The following TRIM51G variants were observed in gnomAD, a reference collection of about 807,000 sequenced individuals.
TRIM51G encodes the protein tripartite motif-containing protein 51G.
chr11:48,978,664 T>C, the TRIM51G span, among the ~76,000 whole-genome samples: 29 of 152,220 alleles, frequency 1.9e-4, no homozygotes, highest in African/African-American at 7.0e-4. Flanking sequence ...CACATAGTTT[T>C]GTTGCTGGTG....
chr11:48,978,814 G>A, the TRIM51G span: 73 of 796,918 alleles, frequency 9.2e-5, 2 homozygotes, highest in South Asian at 9.8e-4. Flanking sequence ...CAGGAGAGAG[G>A]TAAAACACCC....
chr11:48,982,960 T>TATATATAC, the TRIM51G span, among the ~76,000 whole-genome samples: 1 of 9,132 alleles, frequency 1.1e-4, no homozygotes, highest in African/African-American at 1.6e-4. Flanking sequence ...TATATACATA[T>TATATATAC]ATATATATAT....
At chr11:48,978,061 A>T in the TRIM51G span, 302 of 475,914 alleles carry the variant, frequency 6.3e-4, 1 homozygote, top group Non-Finnish European at 1.1e-3. Flanking sequence ...TGAATCACTT[A>T]TACCTTCAAT....
chr11:48,981,255 T>C, the TRIM51G span: 5 of 1,601,430 alleles, frequency 3.1e-6, no homozygotes, highest in Admixed American at 1.7e-5. Flanking sequence ...GTGTCCTGTA[T>C]AGAAATAGAT....
the TRIM51G span, chr11:48,975,565 A>G: frequency 1.4e-6 from 2 of 1,383,124 alleles, no homozygotes; most frequent in Non-Finnish European, 1.0e-6. Context: ...GATGGTGTAT[A>G]TCAGGGAACT....
chr11:48,983,015 T>G, the TRIM51G span, among the ~76,000 whole-genome samples: 2 of 106,100 alleles, frequency 1.9e-5, no homozygotes, highest in African/African-American at 6.9e-5. Context: ...TGGTTCTGTC[T>G]CTCTGGAGAA....
chr11:48,981,967 C>T, the TRIM51G span, among the ~76,000 whole-genome samples: 2 of 152,122 alleles, frequency 1.3e-5, no homozygotes, highest in African/African-American at 4.8e-5. Flanking sequence ...AACCTATTCC[C>T]TGGATGTCGA....
At chr11:48,976,285 T>C in the TRIM51G span, among the ~76,000 whole-genome samples, 1 of 152,132 alleles carries the variant, frequency 6.6e-6, no homozygotes, top group African/African-American at 2.4e-5. Flanking sequence ...AAAAGTGAAA[T>C]ATTATATGCC....
the TRIM51G span, among the ~76,000 whole-genome samples, chr11:48,977,478 G>T: frequency 1.3e-5 from 2 of 152,160 alleles, no homozygotes; most frequent in South Asian, 2.1e-4. Flanking sequence ...CTGGATTCCA[G>T]ACCTCACCAG....
At chr11:48,981,704 A>C in the TRIM51G span, 11 of 1,597,712 alleles carry the variant, frequency 6.9e-6, no homozygotes, top group Non-Finnish European at 9.4e-6. Context: ...ATGTTTCTGA[A>C]GAAGAAAGAG....
the TRIM51G span, chr11:48,975,980 G>T: frequency 1.4e-6 from 1 of 693,150 alleles, no homozygotes; most frequent in South Asian, 1.4e-5. Flanking sequence ...GCTCTTGCAT[G>T]CTGCAGAGTA....
At chr11:48,976,451 G>T in the TRIM51G span, among the ~76,000 whole-genome samples, 6 of 152,084 alleles carry the variant, frequency 3.9e-5, no homozygotes, top group African/African-American at 1.2e-4. Context: ...ATTATAAGTG[G>T]TAACTTAAGG....
the TRIM51G span, chr11:48,975,630 T>C: frequency 1.1e-5 from 15 of 1,409,324 alleles, no homozygotes; most frequent in Non-Finnish European, 1.5e-5. Flanking sequence ...GGAATAATCC[T>C]ACTGTGTCTG....
At chr11:48,981,593 A>G in the TRIM51G span, 26 of 1,601,734 alleles carry the variant, frequency 1.6e-5, no homozygotes, top group Non-Finnish European at 2.1e-5. Flanking sequence ...CAGGGCCGGC[A>G]AAAGCTGTGC....
the TRIM51G span, among the ~76,000 whole-genome samples, chr11:48,976,502 T>A: frequency 2.0e-5 from 3 of 152,128 alleles, no homozygotes; most frequent in Admixed American, 2.0e-4. Flanking sequence ...TCTGCAGACA[T>A]CCCTGCTAGC....
the TRIM51G span, among the ~76,000 whole-genome samples, chr11:48,976,371 G>A: frequency 2.6e-5 from 4 of 151,966 alleles, no homozygotes; most frequent in East Asian, 5.8e-4. Context: ...TATAATTTTG[G>A]CAAGAATGGG....
chr11:48,980,480 C>T, the TRIM51G span, among the ~76,000 whole-genome samples: 1 of 152,248 alleles, frequency 6.6e-6, no homozygotes, highest in Non-Finnish European at 1.5e-5. Context: ...CTTGCTCCTT[C>T]TGCCTGAAAT....
At chr11:48,982,638 G>T in the TRIM51G span, among the ~76,000 whole-genome samples, 1 of 151,778 alleles carries the variant, frequency 6.6e-6, no homozygotes, top group African/African-American at 2.4e-5. Flanking sequence ...CCAGGATATT[G>T]GTATCTCCAG....
the TRIM51G span, among the ~76,000 whole-genome samples, chr11:48,978,342 T>C: frequency 6.6e-6 from 1 of 152,154 alleles, no homozygotes; most frequent in Non-Finnish European, 1.5e-5. Context: ...ATTTATGTCC[T>C]GATAAAGTCT....
Sources: gnomAD v4.1 joint callset for allele counts (sites outside exome capture counted in the v4.1 genomes callset) on GRCh38, gnomAD v4.1.1 for gene constraint, MANE v1.5 for transcripts, NCBI Gene and HGNC (gene_info 2026-07-23, HGNC 2026-07-21) for gene names.